The following RBFOX1 variants were observed in gnomAD, a reference collection of about 807,000 sequenced individuals.
RBFOX1 encodes RNA binding protein fox-1 homolog 1.
Under a neutral mutation model 57.7 loss-of-function variants are expected in RBFOX1, and 8 were observed. The observed-to-expected ratio is 0.14, with a 90% CI of 0.08 to 0.25. The LOEUF is 0.25. RBFOX1 is among the 10% of genes least tolerant of loss of function. The pLI is 1.00. For missense variants in RBFOX1, 611 were observed against 548.5 expected, an observed-to-expected ratio of 1.11 and a Z score of -1.14; for synonymous variants, 326 against 222.4, an observed-to-expected ratio of 1.47 and a Z score of -4.15.
chr16:5,887,763 C>G (rs931586318), intron 4 of RBFOX1, among the ~76,000 whole-genome samples: 1 of 152,084 alleles, frequency 6.6e-6, no homozygotes, highest in Non-Finnish European at 1.5e-5. Context: ...GATTGGTTCA[C>G]CCGAGGAGTC....
At chr16:5,338,727 T>C (rs1376657332) in intron 1 of RBFOX1, among the ~76,000 whole-genome samples, 1 of 152,208 alleles carries the variant, frequency 6.6e-6, no homozygotes, top group Non-Finnish European at 1.5e-5. Flanking sequence ...GGTGTGATCA[T>C]AGTTCACTGG....
intron 4 of RBFOX1, among the ~76,000 whole-genome samples, chr16:7,404,206 C>G (rs1351308683): frequency 1.3e-5 from 2 of 151,914 alleles, no homozygotes; most frequent in Non-Finnish European, 2.9e-5. Context: ...GTGTGAGACC[C>G]CATACTTGGC....
chr16:6,351,021 G>T (rs1346410945), intron 2 of RBFOX1, among the ~76,000 whole-genome samples: 1 of 152,110 alleles, frequency 6.6e-6, no homozygotes, highest in Non-Finnish European at 1.5e-5. Flanking sequence ...GCAAAGTTGT[G>T]ATATGTCATC....
intron 3 of RBFOX1, among the ~76,000 whole-genome samples, chr16:6,841,242 C>T (rs932349129): frequency 3.3e-5 from 5 of 152,098 alleles, no homozygotes; most frequent in African/African-American, 7.2e-5. Flanking sequence ...AGTTATCCTG[C>T]CCATTATACT....
intron 4 of RBFOX1, among the ~76,000 whole-genome samples, chr16:7,324,508 C>A (rs1298253736): frequency 6.6e-6 from 1 of 152,180 alleles, no homozygotes; most frequent in Admixed American, 6.5e-5. Flanking sequence ...TTCTCAAACC[C>A]AGTTGTCATT....
At chr16:5,443,293 C>T (rs531882914) in intron 1 of RBFOX1, among the ~76,000 whole-genome samples, 8 of 152,200 alleles carry the variant, frequency 5.3e-5, no homozygotes, top group East Asian at 3.9e-4. Flanking sequence ...AGGAAATCAT[C>T]GGGCAGGGAT....
intron 1 of RBFOX1, among the ~76,000 whole-genome samples, chr16:5,419,303 A>C (rs2067246330): frequency 6.6e-6 from 1 of 152,188 alleles, no homozygotes; most frequent in Non-Finnish European, 1.5e-5. Flanking sequence ...AGCCAGTCTG[A>C]GTCCCAAAGC....
At chr16:7,068,912 G>C (rs2056746435) in intron 4 of RBFOX1, among the ~76,000 whole-genome samples, 1 of 152,184 alleles carries the variant, frequency 6.6e-6, no homozygotes, top group South Asian at 2.1e-4. Flanking sequence ...TTACTTGATA[G>C]TTCTGTTGAT....
chr16:6,020,049 CAGAAGGTCTCATGG>C, intron 1 of RBFOX1, 57 bp downstream of exon 1: 1 of 1,392,286 alleles, frequency 7.2e-7, no homozygotes. Flanking sequence ...GGGTCAGGTC[CAGAAGGTCTCATGG>C]AGGGAAGCGC....
chr16:5,916,532 G>C (rs1406441150), intron 4 of RBFOX1, among the ~76,000 whole-genome samples: 4 of 152,108 alleles, frequency 2.6e-5, no homozygotes, highest in Non-Finnish European at 4.4e-5. Flanking sequence ...GGGCCTATGT[G>C]CCCAGCCCTT....
chr16:6,885,778 G>A (rs943254006), intron 3 of RBFOX1, among the ~76,000 whole-genome samples: 2 of 152,114 alleles, frequency 1.3e-5, no homozygotes, highest in Non-Finnish European at 2.9e-5. Flanking sequence ...TGATTCACCT[G>A]CCTTGGCCTC....
chr16:6,903,777 C>T (rs1026084857), intron 3 of RBFOX1, among the ~76,000 whole-genome samples: 3 of 152,214 alleles, frequency 2.0e-5, no homozygotes, highest in East Asian at 3.9e-4. Context: ...GAGGGCCTTT[C>T]GGAGCTGCCG....
At chr16:6,073,789 A>G (rs895671805) in intron 1 of RBFOX1, among the ~76,000 whole-genome samples, 16 of 147,390 alleles carry the variant, frequency 1.1e-4, no homozygotes, top group Non-Finnish European at 2.4e-4. Flanking sequence ...TAAAAGGTAT[A>G]TATTTTTTTT....
intron 1 of RBFOX1, among the ~76,000 whole-genome samples, chr16:5,356,642 C>T (rs921979735): frequency 1.3e-5 from 2 of 151,990 alleles, no homozygotes; most frequent in South Asian, 2.1e-4. Flanking sequence ...AATGAATGAG[C>T]GAACACCAAA....
intron 4 of RBFOX1, among the ~76,000 whole-genome samples, chr16:7,091,075 C>T (rs1432561226): frequency 2.0e-5 from 3 of 152,264 alleles, no homozygotes; most frequent in African/African-American, 4.8e-5. Context: ...AAATGGTCCC[C>T]GCTTAAACTC....
chr16:6,283,191 G>A (rs1017871858), intron 1 of RBFOX1, among the ~76,000 whole-genome samples: 6 of 152,090 alleles, frequency 3.9e-5, no homozygotes, highest in Admixed American at 1.3e-4. Flanking sequence ...GTTGGGCTTG[G>A]TGACTGAGGC....
chr16:5,404,250 A>T lies in RBFOX1; in HGVS notation c.220-62966A>T, dbSNP rs376867959. Among the ~76,000 whole-genome samples, 103 of 152,260 alleles carry T rather than the reference A, an allele frequency of 6.8e-4. No individual in the cohort carries two copies. In the South Asian group the frequency reaches 7.1e-3, roughly 10 times the overall value. ...GAAGCCCTGACTTGACCACTATGCA[A>T]TCTGTGCATGTAATACAATTGCACG... On this transcript the variant is annotated intron_variant, in intron 1 of 2. Transcript: ENST00000585867.
At chr16:5,940,947 A>T (rs555861244) in intron 4 of RBFOX1, among the ~76,000 whole-genome samples, 1 of 152,140 alleles carries the variant, frequency 6.6e-6, no homozygotes, top group Non-Finnish European at 1.5e-5. Flanking sequence ...TTGAATCTCA[A>T]TTCTGCCCCT....
chr16:7,608,797 T>C (rs557332653), intron 10 of RBFOX1, among the ~76,000 whole-genome samples: 1 of 152,224 alleles, frequency 6.6e-6, no homozygotes, highest in Admixed American at 6.5e-5. Flanking sequence ...GCCAGCACCG[T>C]GTAAACATTT....
Sources: gnomAD v4.1 joint callset for allele counts (sites outside exome capture counted in the v4.1 genomes callset) on GRCh38, gnomAD v4.1.1 for gene constraint, MANE v1.5 for transcripts, NCBI Gene and HGNC (gene_info 2026-07-23, HGNC 2026-07-21) for gene names.